The following AOX1 variants were observed in gnomAD, a reference collection of about 807,000 sequenced individuals.
The protein encoded by AOX1 is aldehyde oxidase.
AOX1 carries 153 observed loss-of-function variants against 169.5 expected under a neutral mutation model. That is an observed-to-expected ratio of 0.90 (90% CI 0.79 to 1.03). The LOEUF is 1.03. Ranked by LOEUF, AOX1 falls within the 50% of genes least tolerant of loss-of-function variation. AOX1 has a pLI of 0.00. For synonymous variants in AOX1, 562 were observed against 581.9 expected, an observed-to-expected ratio of 0.97 and a Z score of 0.49; for missense variants, 1,656 against 1,663.9, an observed-to-expected ratio of 1.00 and a Z score of 0.08.
chr2:200,643,391 A>C, intron 25 of AOX1, among the ~76,000 whole-genome samples: 1 of 141,290 alleles, frequency 7.1e-6, no homozygotes, highest in East Asian at 3.5e-4. Context: ...ATATATACAC[A>C]CACACACATA....
At chr2:200,609,897 A>G (rs914576290) in intron 12 of AOX1, among the ~76,000 whole-genome samples, 1 of 152,132 alleles carries the variant, frequency 6.6e-6, no homozygotes, top group Admixed American at 6.5e-5. Context: ...TTGTTATTAA[A>G]ACTAAGTCCA....
chr2:200,675,198 T>G (rs2036079077), downstream of AOX1, among the ~76,000 whole-genome samples: 1 of 152,194 alleles, frequency 6.6e-6, no homozygotes, highest in African/African-American at 2.4e-5. Flanking sequence ...TGTATGATGT[T>G]ATGTCCCCAG....
At chr2:200,601,604 ACAGCT>A (rs887506820) in intron 5 of AOX1, among the ~76,000 whole-genome samples, 6 of 151,146 alleles carry the variant, frequency 4.0e-5, no homozygotes, top group African/African-American at 1.5e-4. Context: ...CATGTCAATA[ACAGCT>A]CAGTAAAATG....
intron 25 of AOX1, among the ~76,000 whole-genome samples, chr2:200,649,154 C>A (rs2035527617): frequency 1.3e-5 from 2 of 152,144 alleles, no homozygotes; most frequent in African/African-American, 2.4e-5. Flanking sequence ...AGATTTCTTT[C>A]TCCCTGTGGA....
chr2:200,606,201 T>C (rs1406016908), intron 10 of AOX1, among the ~76,000 whole-genome samples: 2 of 152,240 alleles, frequency 1.3e-5, no homozygotes, highest in African/African-American at 2.4e-5. Flanking sequence ...TTTCTGCATA[T>C]GGCTAGCCAG....
intron 20 of AOX1, among the ~76,000 whole-genome samples, chr2:200,634,164 ATTTTTTTTTTT>A (rs58341876): frequency 1.2e-5 from 1 of 84,976 alleles, no homozygotes; most frequent in African/African-American, 5.1e-5. Flanking sequence ...TTTCTTGAGG[ATTTTTTTTTTT>A]TTTTTTTTTT....
chr2:200,620,869 C>T (rs765911661), intron 17 of AOX1, 50 bp downstream of exon 17: 1 of 1,543,740 alleles, frequency 6.5e-7, no homozygotes, highest in South Asian at 1.2e-5. Flanking sequence ...GTCTTTTCAT[C>T]TAAGTCACAC....
intron 20 of AOX1, among the ~76,000 whole-genome samples, chr2:200,632,056 C>T (rs1419783038): frequency 1.3e-5 from 2 of 151,838 alleles, no homozygotes; most frequent in Non-Finnish European, 2.9e-5. Context: ...TGAGGGAATC[C>T]TCAATTTGCA....
rs562223259 is a variant in AOX1, at chr2:200,656,171, G to A, written c.3076-671G>A. ...CACTGAGAGATATCTGTTCTAGGAG[G>A]ACCATTGCTGCTGATGTTGCTCTTA... On this transcript the variant is annotated intron_variant, in intron 26 of 34. Transcript: ENST00000374700. Among the ~76,000 whole-genome samples the A allele has an allele frequency of 1.7e-3, 254 of 152,298 alleles. 1 individual carries two copies. The highest frequency in any genetic ancestry group is 5.9e-3 in the African/African-American group (244 of 41,574).
At chr2:200,597,358 C>A in intron 3 of AOX1, 39 bp from the exon 4 acceptor site, 1 of 1,484,704 alleles carries the variant, frequency 6.7e-7, no homozygotes, top group Non-Finnish European at 9.3e-7. Context: ...CTGTATGCGA[C>A]ATAATTTGTA....
At chr2:200,676,826 C>A in intron 4 of AOX1, 1 of 449,430 alleles carries the variant, frequency 2.2e-6, no homozygotes. Context: ...ACTCAGGAAG[C>A]AGATACAAAT....
At chr2:200,627,930 T>G (rs1018245469) in intron 20 of AOX1, among the ~76,000 whole-genome samples, 2 of 152,150 alleles carry the variant, frequency 1.3e-5, no homozygotes, top group Admixed American at 6.6e-5. Flanking sequence ...CTCCCTCTCT[T>G]CCTTTCTTCC....
chr2:200,586,302 T>A (rs2106360574), intron 1 of AOX1, 149 bp downstream of exon 1: 1 of 866,296 alleles, frequency 1.2e-6, no homozygotes, highest in Non-Finnish European at 1.7e-6. Context: ...GGCTTTGCCT[T>A]CGCATTCCCA....
rs775083416 is a variant in AOX1 at position 200,604,766 on chromosome 2, T to C, written c.740T>C (p.Val247Ala). The C allele has an allele frequency of 1.2e-6, 2 of 1,614,064 alleles. No individual in the cohort carries two copies. Among genetic ancestry groups the C allele is most frequent in the South Asian group, 2.2e-5 (2 of 91,072 alleles). ...GSERMMWFSP[V>A]TLKELLEFKF... Reference sequence around the variant, plus strand: ...GAGAGAATGATGTGGTTTTCCCCCGTGACCCTGAAGGAACTGCTGGAATTT... The same window carrying C: ...GAGAGAATGATGTGGTTTTCCCCCGCGACCCTGAAGGAACTGCTGGAATTT... The change falls in exon 9 of 35, where the codon GTG (valine) becomes GCG (alanine). Residue 247 changes from valine to alanine, a missense_variant. By Grantham distance (64) the Val-to-Ala change is moderately conservative. Transcript: ENST00000374700.
chr2:200,638,279 C>T lies in AOX1; in HGVS notation c.2545C>T (p.His849Tyr). The change falls in exon 23 of 35, where the codon CAT (histidine) becomes TAT (tyrosine). Residue 849 changes from histidine to tyrosine, a missense_variant. Physicochemically the swap from His to Tyr is moderately conservative, Grantham distance 83 (BLOSUM62 2). Transcript: ENST00000374700. ...AGACATGTTAATAACTGGAGGCCGC[C>T]ATCCTTACCTTGGAAAGTACAAAGT... is the stretch of plus-strand genomic sequence containing the variant. ...GEDMLITGGR[H>Y]PYLGKYKAGF... 1 of 1,613,700 alleles carries T rather than the reference C, an allele frequency of 6.2e-7. No individual in the cohort carries two copies. The highest frequency in any genetic ancestry group is 2.2e-5 in the East Asian group (1 of 44,882).
At chr2:200,645,250 T>C (rs946203533) in intron 25 of AOX1, among the ~76,000 whole-genome samples, 8 of 152,182 alleles carry the variant, frequency 5.3e-5, no homozygotes, top group Admixed American at 1.3e-4. Context: ...ATGTCCTTTG[T>C]ATGCTGATTT....
chr2:200,595,205 T>A, intron 2 of AOX1, 67 bp from the exon 3 acceptor site: 1 of 1,190,032 alleles, frequency 8.4e-7, no homozygotes, highest in Non-Finnish European at 1.2e-6. Flanking sequence ...TACTGTCTCC[T>A]AGTGGCAGGG....
In AOX1 at chr2:200,604,758, T is replaced by A. The variant is rs1344615662; in HGVS notation, c.732T>A (p.Phe244Leu). The A allele has an allele frequency of 6.2e-7, 1 of 1,614,076 alleles. No individual in the cohort carries two copies. The highest frequency in any genetic ancestry group is 8.5e-7 in the Non-Finnish European group (1 of 1,179,974). The change falls in exon 9 of 35, where the codon TTT (phenylalanine) becomes TTA (leucine). Residue 244 changes from phenylalanine to leucine, a missense_variant. Physicochemically the swap from Phe to Leu is conservative, Grantham distance 22 (BLOSUM62 0). Transcript: ENST00000374700. ...RVFGSERMMW[F>L]SPVTLKELLE... ...TTGGCAGTGAGAGAATGATGTGGTT[T>A]TCCCCCGTGACCCTGAAGGAACTGC...
Position 200,611,456 on chromosome 2 carries a change from A to G in AOX1, c.1226A>G (p.Glu409Gly), listed in dbSNP as rs1356381447. 1 of 1,613,874 alleles carries G rather than the reference A, an allele frequency of 6.2e-7. No individual in the cohort carries two copies. Among genetic ancestry groups the G allele is most frequent in the Admixed American group, 1.7e-5 (1 of 59,992 alleles). The part of the protein sequence containing the change: ...KCPNADLKPQ[E>G]ILVSVNIPYS... ...CCTAATGCAGATCTTAAGCCTCAAGAAATCTTGGTCTCAGTGAACATCCCC... is the reference window on the plus strand; with the variant it reads ...CCTAATGCAGATCTTAAGCCTCAAGGAATCTTGGTCTCAGTGAACATCCCC... The change falls in exon 13 of 35, where the codon GAA becomes GGA. Residue 409 changes from glutamate (E) to glycine (G), a missense_variant. Transcript: ENST00000374700.
Sources: gnomAD v4.1 joint callset for allele counts (sites outside exome capture counted in the v4.1 genomes callset) on GRCh38, gnomAD v4.1.1 for gene constraint, MANE v1.5 for transcripts, NCBI Gene and HGNC (gene_info 2026-07-23, HGNC 2026-07-21) for gene names.